NMU: variants seen among roughly 807,000 people sequenced by gnomAD.
The protein encoded by NMU is neuromedin U.
Under a neutral mutation model 35.4 loss-of-function variants are expected in NMU, and 29 were observed. That is an observed-to-expected ratio of 0.82 (90% CI 0.61 to 1.12). NMU has a LOEUF of 1.12. Among genes scored for constraint, NMU ranks in the 50% most tolerant of loss-of-function variants. The pLI, the probability that NMU is intolerant of heterozygous loss-of-function variation, is 0.00. For synonymous variants in NMU, 78 were observed against 81.3 expected (o/e 0.96, Z 0.22); for missense variants, 199 against 206.2 (o/e 0.97, Z 0.21).
chr4:55,598,693 T>C (rs1243102367), intron 9 of NMU, among the ~76,000 whole-genome samples: 3 of 152,202 alleles, frequency 2.0e-5, no homozygotes, highest in Non-Finnish European at 4.4e-5. Flanking sequence ...TCACTAGCTT[T>C]TATAAAGAAT....
chr4:55,615,419 T>C (rs939244869), intron 3 of NMU, among the ~76,000 whole-genome samples: 2 of 152,200 alleles, frequency 1.3e-5, no homozygotes, highest in African/African-American at 4.8e-5. Flanking sequence ...GTCTGGGACT[T>C]GCAGGCAAGT....
chr4:55,605,268 T>TA lies in NMU; in HGVS notation c.435+6dup, dbSNP rs773857952. 3.1e-5 allele frequency: 49 copies of TA among 1,601,238 alleles called. No individual in the cohort carries two copies. Among genetic ancestry groups the TA allele is most frequent in the Non-Finnish European group, 1.7e-6 (2 of 1,168,312 alleles). ...GGCAAAGCCAGCATGCAGTTTGTAT[T>TA]ACATACGTCCACTCTGAATCTCTTC... is the stretch of plus-strand genomic sequence containing the variant. On this transcript the variant is annotated splice_region_variant and intron_variant, in intron 7 of 9. Transcript: ENST00000264218.
At chr4:55,603,922 AAAAAATAT>A (rs1427792969) in intron 7 of NMU, among the ~76,000 whole-genome samples, 1 of 81,176 alleles carries the variant, frequency 1.2e-5, no homozygotes, top group African/African-American at 5.3e-5. Flanking sequence ...AAAAAAAAAA[AAAAAATAT>A]ATATATATAT....
chr4:55,613,709 G>C (rs1734018721), intron 3 of NMU, among the ~76,000 whole-genome samples: 1 of 152,212 alleles, frequency 6.6e-6, no homozygotes, highest in Non-Finnish European at 1.5e-5. Flanking sequence ...AGTGAGGCAT[G>C]AGTAAATATG....
chr4:55,629,698 A>C (rs1734681962), intron 2 of NMU, among the ~76,000 whole-genome samples: 1 of 151,072 alleles, frequency 6.6e-6, no homozygotes, highest in Non-Finnish European at 1.5e-5. Context: ...AAATATTTCC[A>C]GTAGCTCTAA....
At chr4:55,635,945 C>A in intron 1 of NMU, 136 bp downstream of exon 1, 2 of 1,474,096 alleles carry the variant, frequency 1.4e-6, no homozygotes, top group South Asian at 2.4e-5. Context: ...GGCGGGAAAC[C>A]CCGCGGCACC....
chr4:55,629,126 T>G (rs1170771320), intron 2 of NMU, among the ~76,000 whole-genome samples: 1 of 152,226 alleles, frequency 6.6e-6, no homozygotes, highest in South Asian at 2.1e-4. Flanking sequence ...TATTGCATTA[T>G]AACTGGAAAA....
Position 55,607,438 on chromosome 4 carries a change from CT to C in NMU, c.307del (p.Arg103GlyfsTer37). ...ATAGATGTATGAAAATCATCTTACC[CT>C]TTTAGTATTATCTTTTTCATCTTGT... is the stretch of plus-strand genomic sequence containing the variant. ...QEQDEKDNTK[R>X]FLFHYSKTQK... is the part of the protein sequence containing the mutation. On this transcript the variant is annotated frameshift_variant and splice_region_variant, in exon 5 of 10. Coordinates refer to ENST00000264218, the MANE Select transcript of NMU (RefSeq NM_006681.4). LOFTEE classifies it high-confidence loss of function. The C allele has an allele frequency of 9.5e-7, 1 of 1,050,332 alleles. No individual in the cohort carries two copies. The highest frequency in any genetic ancestry group is 1.5e-6 in the Non-Finnish European group (1 of 686,350). The allele number at this position is 1,050,332 out of a possible 1,614,324, so 65.1% of individuals were successfully genotyped here.
intron 4 of NMU, among the ~76,000 whole-genome samples, chr4:55,607,708 G>C (rs951738215): frequency 6.6e-6 from 1 of 152,138 alleles, no homozygotes; most frequent in Non-Finnish European, 1.5e-5. Context: ...TTATTCATAA[G>C]TGTAAAAAAT....
chr4:55,632,815 A>G (rs954014493), intron 1 of NMU, among the ~76,000 whole-genome samples: 6 of 152,160 alleles, frequency 3.9e-5, no homozygotes, highest in African/African-American at 1.4e-4. Context: ...CCGCCTCATC[A>G]GAACCATGGA....
chr4:55,608,975 G>C, intron 4 of NMU, 145 bp downstream of exon 4: 1 of 681,586 alleles, frequency 1.5e-6, no homozygotes, highest in Non-Finnish European at 2.6e-6. Context: ...CAGAGAACCT[G>C]AAGTATTTCT....
At chr4:55,634,803 G>A (rs943018159) in intron 1 of NMU, among the ~76,000 whole-genome samples, 2 of 152,140 alleles carry the variant, frequency 1.3e-5, no homozygotes, top group African/African-American at 4.8e-5. Context: ...GAAGGTTTAG[G>A]TCTGCTAGCT....
At position 55,635,948 on chromosome 4, in the gene NMU, G is replaced by A. The variant is rs569697580; in HGVS notation, c.112+133C>T. On this transcript the variant is annotated intron_variant, in intron 1 of 9. Coordinates refer to ENST00000264218, the MANE Select transcript of NMU (RefSeq NM_006681.4). ...CTGTGCCTGGGAGGCGGGAAACCCCGCGGCACCAGAGAAGCCAAGTGAAGT... is the reference window on the plus strand; with the variant it reads ...CTGTGCCTGGGAGGCGGGAAACCCCACGGCACCAGAGAAGCCAAGTGAAGT... 3 of 1,472,248 alleles carry A rather than the reference G, an allele frequency of 2.0e-6. No individual in the cohort carries two copies. The South Asian group carries it at 3.7e-5, about 18-fold the overall frequency. The allele number at this position is 1,472,248 out of a possible 1,614,324, so 91.2% of individuals were successfully genotyped here.
chr4:55,629,277 T>C (rs1418747173), intron 2 of NMU, among the ~76,000 whole-genome samples: 1 of 152,160 alleles, frequency 6.6e-6, no homozygotes, highest in Non-Finnish European at 1.5e-5. Flanking sequence ...CTGTCTTTTT[T>C]TTTTCCTGAA....
At chr4:55,618,459 A>G (rs1468770652) in intron 2 of NMU, among the ~76,000 whole-genome samples, 1 of 151,968 alleles carries the variant, frequency 6.6e-6, no homozygotes, top group Non-Finnish European at 1.5e-5. Flanking sequence ...CTTACGAGTG[A>G]GAAATTGTGT....
intron 2 of NMU, among the ~76,000 whole-genome samples, chr4:55,628,814 GT>G (rs200611175): frequency 6.6e-6 from 1 of 150,808 alleles, no homozygotes; most frequent in African/African-American, 2.4e-5. Context: ...CTTCATTCCT[GT>G]TTTTTTTTAA....
At chr4:55,634,097 T>TTG (rs1715770996) in intron 1 of NMU, among the ~76,000 whole-genome samples, 1 of 152,192 alleles carries the variant, frequency 6.6e-6, no homozygotes, top group East Asian at 1.9e-4. Context: ...TCCTCTGGCG[T>TTG]TGCGACATTT....
At chr4:55,608,498 A>G (rs970718653) in intron 4 of NMU, among the ~76,000 whole-genome samples, 4 of 152,204 alleles carry the variant, frequency 2.6e-5, no homozygotes, top group Non-Finnish European at 5.9e-5. Flanking sequence ...AGAATTGCCA[A>G]TGAAAAATAT....
intron 2 of NMU, among the ~76,000 whole-genome samples, chr4:55,616,598 G>A (rs563830367): frequency 4.6e-5 from 7 of 152,258 alleles, no homozygotes; most frequent in African/African-American, 1.2e-4. Context: ...CAGGGTATAC[G>A]TCTCTAGTGA....
Sources: gnomAD v4.1 joint callset for allele counts (sites outside exome capture counted in the v4.1 genomes callset) on GRCh38, gnomAD v4.1.1 for gene constraint, MANE v1.5 for transcripts, NCBI Gene and HGNC (gene_info 2026-07-23, HGNC 2026-07-21) for gene names.